Variants in SDCCAG8 observed in about 807,000 individuals in gnomAD.
SDCCAG8 encodes SHH signaling and ciliogenesis regulator SDCCAG8.
SDCCAG8 carries 74 observed loss-of-function variants against 101.8 expected under a neutral mutation model. That is an observed-to-expected ratio of 0.73 (90% confidence interval 0.60 to 0.88). The LOEUF (loss-of-function observed/expected upper bound fraction) is 0.88, where lower values mean the gene tolerates loss of function less well. Ranked by LOEUF, SDCCAG8 falls within the 40% of genes least tolerant of loss-of-function variation. The probability of loss-of-function intolerance (pLI) is 0.00; values close to 1 mark genes in which losing one functional copy is unlikely to be tolerated. For synonymous variants in SDCCAG8, 281 were observed against 292.9 expected (o/e 0.96, Z 0.41); for missense variants, 787 against 822.6 (o/e 0.96, Z 0.53).
intron 16 of SDCCAG8, among the ~76,000 whole-genome samples, chr1:243,454,173 GA>G (rs1244422079): frequency 6.6e-6 from 1 of 152,132 alleles, no homozygotes; most frequent in Non-Finnish European, 1.5e-5. Context: ...TTTCACTGAT[GA>G]ATATGGTATT....
chr1:243,465,416 C>T (rs915844980), intron 16 of SDCCAG8, among the ~76,000 whole-genome samples: 1 of 152,212 alleles, frequency 6.6e-6, no homozygotes, highest in Non-Finnish European at 1.5e-5. Flanking sequence ...GTGAATTTGG[C>T]TTTTCGAATT....
At chr1:243,421,325 G>T (rs1296040813) in intron 15 of SDCCAG8, among the ~76,000 whole-genome samples, 1 of 152,192 alleles carries the variant, frequency 6.6e-6, no homozygotes, top group African/African-American at 2.4e-5. Flanking sequence ...TGAAGCCCAT[G>T]CAGAATGACG....
chr1:243,423,880 A>G (rs1573961798), intron 15 of SDCCAG8, among the ~76,000 whole-genome samples: 1 of 152,222 alleles, frequency 6.6e-6, no homozygotes, highest in East Asian at 1.9e-4. Context: ...CTCACAGAGA[A>G]AAGAAAAGAA....
At chr1:243,333,974 C>G (rs2074813856) in intron 10 of SDCCAG8, among the ~76,000 whole-genome samples, 1 of 152,132 alleles carries the variant, frequency 6.6e-6, no homozygotes, top group Non-Finnish European at 1.5e-5. Context: ...TTTCTAGATC[C>G]TTAACTGTAT....
intron 12 of SDCCAG8, among the ~76,000 whole-genome samples, chr1:243,377,736 C>A (rs2077679787): frequency 6.6e-6 from 1 of 151,538 alleles, no homozygotes; most frequent in East Asian, 1.9e-4. Context: ...CCTCTACTTA[C>A]ACATGATTTT....
intron 17 of SDCCAG8, among the ~76,000 whole-genome samples, chr1:243,497,869 A>G (rs1488857792): frequency 6.6e-6 from 1 of 152,014 alleles, no homozygotes; most frequent in East Asian, 1.9e-4. Flanking sequence ...TTTTGTAGAG[A>G]TGAGGTCTCA....
intron 13 of SDCCAG8, among the ~76,000 whole-genome samples, chr1:243,414,518 G>C (rs1296853000): frequency 6.6e-6 from 1 of 152,110 alleles, no homozygotes; most frequent in Non-Finnish European, 1.5e-5. Flanking sequence ...TGAGGTGTGG[G>C]TGTATTTTCA....
At chr1:243,398,204 A>G (rs1201011589) in intron 13 of SDCCAG8, among the ~76,000 whole-genome samples, 1 of 152,228 alleles carries the variant, frequency 6.6e-6, no homozygotes, top group Non-Finnish European at 1.5e-5. Flanking sequence ...CCTGGATCAA[A>G]TAGATTACGT....
chr1:243,472,075 C>T (rs942484468), intron 16 of SDCCAG8, among the ~76,000 whole-genome samples: 4 of 152,142 alleles, frequency 2.6e-5, no homozygotes, highest in Non-Finnish European at 4.4e-5. Flanking sequence ...CATAGGAAGG[C>T]TCTTTGGACA....
chr1:243,314,580 A>G (rs2073067967), intron 8 of SDCCAG8, among the ~76,000 whole-genome samples: 1 of 152,046 alleles, frequency 6.6e-6, no homozygotes, highest in African/African-American at 2.4e-5. Context: ...GACAAACACT[A>G]CTCTTGACAA....
At chr1:243,339,396 T>G (rs1188793965) in intron 10 of SDCCAG8, among the ~76,000 whole-genome samples, 1 of 152,224 alleles carries the variant, frequency 6.6e-6, no homozygotes, top group Non-Finnish European at 1.5e-5. Context: ...TACACATTCA[T>G]AATATATATG....
chr1:243,339,676 TTAAC>T (rs2075271640), intron 10 of SDCCAG8, among the ~76,000 whole-genome samples: 1 of 152,214 alleles, frequency 6.6e-6, no homozygotes, highest in Non-Finnish European at 1.5e-5. Flanking sequence ...AGGGTCAACT[TTAAC>T]TAGTTCTGTA....
At chr1:243,330,102 A>C (rs546524679) in intron 9 of SDCCAG8, among the ~76,000 whole-genome samples, 1 of 152,354 alleles carries the variant, frequency 6.6e-6, no homozygotes, top group Non-Finnish European at 1.5e-5. Context: ...ATTTCATTTT[A>C]GTATTTTGAT....
intron 10 of SDCCAG8, among the ~76,000 whole-genome samples, chr1:243,332,868 A>C (rs541015752): frequency 6.6e-6 from 1 of 151,394 alleles, no homozygotes; most frequent in Non-Finnish European, 1.5e-5. Flanking sequence ...ATCGTAGTCC[A>C]GGTCTGGAGG....
At chr1:243,267,586 G>C in intron 1 of SDCCAG8, 1 of 517,146 alleles carries the variant, frequency 1.9e-6, no homozygotes. Context: ...TGGGCGACAA[G>C]AGCCAAACTC....
In SDCCAG8 at chr1:243,458,968, GGT is replaced by G. The variant is rs398053990; in HGVS notation, c.1986-30044_1986-30043del. On this transcript the variant is annotated intron_variant, in intron 16 of 17. Transcript: ENST00000366541. The surrounding 1 kb of genome is among the most constrained non-coding windows in gnomAD (Gnocchi z 4.5). ...TGTTCTGATAGATGGAGAAAAATGT[GGT>G]GGAGATAGTAAAATATTACCAGTTT... Among the ~76,000 whole-genome samples the G allele has an allele frequency of 1.7e-5, 2 of 117,264 alleles. No individual in the cohort carries two copies. Among genetic ancestry groups the G allele is most frequent in the African/African-American group, 6.2e-5 (2 of 32,274 alleles). 76.9% of individuals were successfully genotyped at this position (117,264 alleles called of 152,430 possible). A position where few individuals can be genotyped will look rare whatever the true frequency, so the allele number is the denominator to read the frequency against.
intron 1 of SDCCAG8, among the ~76,000 whole-genome samples, chr1:243,261,906 G>A (rs1436682275): frequency 1.3e-5 from 2 of 148,962 alleles, no homozygotes; most frequent in African/African-American, 5.0e-5. Flanking sequence ...CCACCTCCCA[G>A]GTTTAAGCGA....
At chr1:243,404,940 C>T (rs1249334317) in intron 13 of SDCCAG8, among the ~76,000 whole-genome samples, 2 of 150,758 alleles carry the variant, frequency 1.3e-5, no homozygotes, top group Non-Finnish European at 1.5e-5. Context: ...GATCTCGGCT[C>T]ACCACAACCT....
At chr1:243,338,185 G>A (rs2075141181) in intron 10 of SDCCAG8, among the ~76,000 whole-genome samples, 1 of 152,112 alleles carries the variant, frequency 6.6e-6, no homozygotes, top group African/African-American at 2.4e-5. Context: ...AAAGCAGTAG[G>A]ATTCCAAGCA....
Sources: gnomAD v4.1 joint callset for allele counts (sites outside exome capture counted in the v4.1 genomes callset) on GRCh38, gnomAD v4.1.1 for gene constraint, Gnocchi (gnomAD v3.1) non-coding constraint, MANE v1.5 for transcripts, NCBI Gene and HGNC (gene_info 2026-07-23, HGNC 2026-07-21) for gene names.